PISD: variants seen among roughly 807,000 people sequenced by gnomAD.
PISD encodes phosphatidylserine decarboxylase, also known as phosphatidylserine decarboxylase proenzyme, mitochondrial.
In PISD, 31 loss-of-function variants were observed where a neutral mutation model predicts 43.5. The observed-to-expected ratio is 0.71, with a 90% CI of 0.54 to 0.96. The LOEUF (loss-of-function observed/expected upper bound fraction) is 0.96. Among genes scored for constraint, PISD ranks in the 40% least tolerant of loss-of-function variants. The probability of loss-of-function intolerance (pLI) is 0.00; values close to 1 mark genes in which losing one functional copy is unlikely to be tolerated. For missense variants in PISD, 523 were observed against 548.4 expected (o/e 0.95, Z 0.46); for synonymous variants, 259 against 228.7 (o/e 1.13, Z -1.20).
rs769890475 is a variant in PISD at position 31,621,643 on chromosome 22, C to A, written c.558+6G>T. ...TTTCCTGCAGGAGGAAAGGGTCAGG[C>A]CTCACCACGCTGTGCAGGCCACAGA... On this transcript the variant is annotated splice_donor_region_variant and intron_variant, in intron 4 of 7. Transcript: ENST00000439502. 16 of 1,611,972 alleles carry A rather than the reference C, an allele frequency of 9.9e-6. No homozygotes were observed. Among genetic ancestry groups the A allele is most frequent in the Non-Finnish European group, 1.4e-5 (16 of 1,178,834 alleles).
At position 31,627,959 on chromosome 22, in the gene PISD, A is replaced by T. The variant is rs1479562481; in HGVS notation, c.322-6074T>A. ...CCCATCAGGGAAAGGTGAGCCCTGGAGAGACTAAGAACCATCCTGAGAGGC... is the reference window on the plus strand; with the variant it reads ...CCCATCAGGGAAAGGTGAGCCCTGGTGAGACTAAGAACCATCCTGAGAGGC... On this transcript the variant is annotated intron_variant, in intron 3 of 7. Coordinates refer to ENST00000439502, the MANE Select transcript of PISD (RefSeq NM_001326411.2). 3.3e-6 allele frequency: 3 copies of T among 908,668 alleles called. No individual in the cohort carries two copies. In the African/African-American group the frequency reaches 5.4e-5, roughly 16 times the overall value. 56.3% of individuals were successfully genotyped at this position (908,668 alleles called of 1,614,324 possible).
chr22:31,635,745 C>A (rs2073411927), intron 3 of PISD, among the ~76,000 whole-genome samples: 1 of 152,196 alleles, frequency 6.6e-6, no homozygotes, highest in Non-Finnish European at 1.5e-5. Flanking sequence ...TCTCCTCCTG[C>A]CCTAGAGTGA....
At chr22:31,650,142 C>A (rs949105796) in intron 2 of PISD, among the ~76,000 whole-genome samples, 1 of 152,148 alleles carries the variant, frequency 6.6e-6, no homozygotes, top group Non-Finnish European at 1.5e-5. Context: ...ATCAAAACCA[C>A]AATGAGACCC....
At chr22:31,661,146 G>A (rs905554108) in intron 1 of PISD, among the ~76,000 whole-genome samples, 3 of 152,164 alleles carry the variant, frequency 2.0e-5, no homozygotes, top group Non-Finnish European at 4.4e-5. Flanking sequence ...ACAATGCAGA[G>A]CCCTCTCCTG....
chr22:31,660,998 G>A (rs1218290474), intron 1 of PISD, among the ~76,000 whole-genome samples: 1 of 152,192 alleles, frequency 6.6e-6, no homozygotes, highest in East Asian at 1.9e-4. Context: ...GCCTACCAAA[G>A]TGCTGAGGTT....
At chr22:31,644,525 C>T (rs1279233357) in intron 3 of PISD, among the ~76,000 whole-genome samples, 3 of 152,062 alleles carry the variant, frequency 2.0e-5, no homozygotes, top group Non-Finnish European at 4.4e-5. Flanking sequence ...AGGCATGAGC[C>T]ACCACGCCCA....
At chr22:31,631,997 A>G (rs1010198234) in intron 3 of PISD, among the ~76,000 whole-genome samples, 2 of 152,234 alleles carry the variant, frequency 1.3e-5, no homozygotes, top group Admixed American at 1.3e-4. Context: ...ACTTAAGCTC[A>G]GGAGTTTGAG....
At chr22:31,641,644 G>A (rs948561461) in intron 3 of PISD, among the ~76,000 whole-genome samples, 3 of 150,602 alleles carry the variant, frequency 2.0e-5, no homozygotes, top group Non-Finnish European at 2.9e-5. Flanking sequence ...GGTGAAACCC[G>A]ATCTCTACTA....
intron 3 of PISD, among the ~76,000 whole-genome samples, chr22:31,624,128 C>T (rs570952172): frequency 1.5e-4 from 23 of 152,268 alleles, no homozygotes; most frequent in South Asian, 6.2e-4. Context: ...TGGGGGCAGC[C>T]GCAAGAGGAG....
At chr22:31,635,246 C>T (rs2073391516) in intron 3 of PISD, among the ~76,000 whole-genome samples, 1 of 152,204 alleles carries the variant, frequency 6.6e-6, no homozygotes, top group African/African-American at 2.4e-5. Context: ...CTGCAGGTAT[C>T]TTGAGTCGGC....
rs538386541 is a variant in PISD at position 31,645,949 on chromosome 22, G to GTA, written c.321+2150_321+2151dup. 6.2e-3 allele frequency among the ~76,000 whole-genome samples: 919 copies of GTA among 149,382 alleles called. 9 individuals are homozygous for GTA. Among genetic ancestry groups the GTA allele is most frequent in the South Asian group, 0.034 (160 of 4,732 alleles). ...TGGGTCACATCCCCAAGTTATCTCAGTATATATATATATACAAATATTGAA... is the reference window on the plus strand; with the variant it reads ...TGGGTCACATCCCCAAGTTATCTCAGTATATATATATATATACAAATATTGAA... On this transcript the variant is annotated intron_variant, in intron 3 of 7. Transcript: ENST00000439502.
intron 3 of PISD, among the ~76,000 whole-genome samples, chr22:31,644,205 T>A (rs2073818165): frequency 6.6e-6 from 1 of 151,948 alleles, no homozygotes; most frequent in African/African-American, 2.4e-5. Flanking sequence ...ACTTTGTAGA[T>A]TTCTAGGAGT....
At chr22:31,637,127 AT>A (rs1210101128) in intron 3 of PISD, among the ~76,000 whole-genome samples, 8 of 110,764 alleles carry the variant, frequency 7.2e-5, no homozygotes, top group Middle Eastern at 4.4e-3. Flanking sequence ...ACAAAAAAAA[AT>A]AATAATAAAT....
Position 31,621,132 on chromosome 22 carries a change from A to G in PISD, c.708T>C (p.Cys236=), listed in dbSNP as rs768652071. The change falls in exon 6 of 8, where the codon TGT becomes TGC. Residue 236 remains cysteine, a synonymous_variant. Transcript: ENST00000439502. ...TGACCAGCTGGTTCTTGAAGGAGTC[A>G]CACGACGCGGCTGTGGAGTAGGAGC... ...EDLPFPPAAS[C]DSFKNQLVTR... is the part of the protein sequence containing the mutation. 1.9e-6 allele frequency: 3 copies of G among 1,614,048 alleles called. No individual in the cohort carries two copies. The African/African-American group carries it at 4.0e-5, about 22-fold the overall frequency.
chr22:31,658,238 G>A (rs1020368544), intron 1 of PISD, among the ~76,000 whole-genome samples: 1 of 152,144 alleles, frequency 6.6e-6, no homozygotes, highest in African/African-American at 2.4e-5. Context: ...GGCAATTAAA[G>A]CCCACAATTG....
rs925147928 is a variant in PISD, at chr22:31,626,057, G to A, written c.322-4172C>T. ...AGGCACTGGTCACACACCTGCTCAGGTCACCTGCTCAGGGCTTGCAGTCCA... is the reference window on the plus strand; with the variant it reads ...AGGCACTGGTCACACACCTGCTCAGATCACCTGCTCAGGGCTTGCAGTCCA... On this transcript the variant is annotated intron_variant, in intron 3 of 7. Coordinates refer to ENST00000439502, the MANE Select transcript of PISD (RefSeq NM_001326411.2). 6 of 1,417,914 alleles carry A rather than the reference G, an allele frequency of 4.2e-6. No homozygotes were observed. In the South Asian group the frequency reaches 4.6e-5, roughly 11 times the overall value. 87.8% of individuals were successfully genotyped at this position (1,417,914 alleles called of 1,614,324 possible).
chr22:31,661,177 A>G (rs548065232), intron 1 of PISD, among the ~76,000 whole-genome samples: 7 of 152,248 alleles, frequency 4.6e-5, no homozygotes, highest in Non-Finnish European at 1.0e-4. Context: ...ATTTCTGTAC[A>G]GTTAATGATG....
At chr22:31,644,334 G>A (rs1028159402) in intron 3 of PISD, among the ~76,000 whole-genome samples, 1 of 151,390 alleles carries the variant, frequency 6.6e-6, no homozygotes, top group Non-Finnish European at 1.5e-5. Flanking sequence ...CCACCTCCCG[G>A]GTTCACGCCA....
At chr22:31,662,270 T>C (rs1250113344), upstream of PISD, 3 of 1,526,732 alleles carry the variant, frequency 2.0e-6, no homozygotes, top group Non-Finnish European at 2.7e-6. Context: ...GCTTAAGGCG[T>C]CACGAGTCTC....
Sources: gnomAD v4.1 joint callset for allele counts (sites outside exome capture counted in the v4.1 genomes callset) on GRCh38, gnomAD v4.1.1 for gene constraint, MANE v1.5 for transcripts, NCBI Gene and HGNC (gene_info 2026-07-23, HGNC 2026-07-21) for gene names.